Variants in COBL observed in about 807,000 individuals in gnomAD.
COBL encodes protein cordon-bleu.
Under a neutral mutation model 98.8 loss-of-function variants are expected in COBL, and 51 were observed. The observed-to-expected ratio is 0.52, with a 90% CI of 0.41 to 0.65. COBL has a LOEUF of 0.65. COBL is among the 30% of genes least tolerant of loss of function. The pLI is 0.00. For synonymous variants in COBL, 634 were observed against 651.7 expected (o/e 0.97, Z 0.41); for missense variants, 1,617 against 1,617.5 (o/e 1.00, Z 0.01).
At chr7:51,224,396 G>A (rs1189028287) in intron 1 of COBL, among the ~76,000 whole-genome samples, 1 of 151,794 alleles carries the variant, frequency 6.6e-6, no homozygotes, top group Admixed American at 6.6e-5. Context: ...TGTTCCAAAC[G>A]AGCCAAGCTT....
chr7:51,243,260 C>G (rs1055638632), intron 1 of COBL, among the ~76,000 whole-genome samples: 1 of 152,148 alleles, frequency 6.6e-6, no homozygotes, highest in Non-Finnish European at 1.5e-5. Flanking sequence ...CAGCTGTGTG[C>G]GGGGAGCAGA....
At chr7:51,051,965 T>C (rs558721111) in intron 7 of COBL, among the ~76,000 whole-genome samples, 1 of 152,368 alleles carries the variant, frequency 6.6e-6, no homozygotes, top group Non-Finnish European at 1.5e-5. Context: ...TCTATGCCAC[T>C]GTCATGGGCT....
chr7:51,034,016 T>C (rs1788393627), intron 8 of COBL: 1 of 152,344 alleles, frequency 6.6e-6, no homozygotes. Context: ...ATCCACCAGT[T>C]ACAGCTGCCT....
In COBL at chr7:51,018,904, AAATATATATATATATATATATATAT is replaced by A. The variant is rs1405359238; in HGVS notation, c.3769-1361_3769-1337del. On this transcript the variant is annotated intron_variant, in intron 12 of 12. Transcript: ENST00000265136. ...GAAACTCCATCTCAAAAAAAAAAAA[AAATATATATATATATATATATATAT>A]ATATATATATATATATATATATATG... is the stretch of plus-strand genomic sequence containing the variant. Among the ~76,000 whole-genome samples the A allele has an allele frequency of 2.0e-4, 11 of 54,686 alleles. 1 individual carries two copies. The highest frequency in any genetic ancestry group is 8.8e-4 in the African/African-American group (10 of 11,414). 35.9% of individuals were successfully genotyped at this position (54,686 alleles called of 152,430 possible). A position where few individuals can be genotyped will look rare whatever the true frequency, so the allele number is the denominator to read the frequency against.
At chr7:51,021,012 GA>G (rs1012526004) in intron 12 of COBL, 1 of 152,230 alleles carries the variant, frequency 6.6e-6, no homozygotes, top group African/African-American at 2.4e-5. Flanking sequence ...GACTGTCCCA[GA>G]AAACCTTCCC....
At chr7:51,248,955 T>G (rs908244605) in intron 1 of COBL, among the ~76,000 whole-genome samples, 5 of 152,218 alleles carry the variant, frequency 3.3e-5, no homozygotes, top group Admixed American at 3.3e-4. Context: ...TCTAAGCCCA[T>G]TATGTAATTA....
At chr7:51,035,041 T>C (rs1279559867) in intron 8 of COBL, 2 of 152,172 alleles carry the variant, frequency 1.3e-5, no homozygotes, top group Non-Finnish European at 1.5e-5. Context: ...CAAACCAGAG[T>C]CTGCCCAGGA....
intron 9 of COBL, 78 bp downstream of exon 9, chr7:51,030,734 G>A (rs990777713): frequency 6.6e-6 from 6 of 911,396 alleles, no homozygotes; most frequent in Admixed American, 4.0e-5. Flanking sequence ...ATACATCAAA[G>A]TATGCTCAGA....
chr7:51,193,525 C>A lies in COBL; in HGVS notation c.310G>T (p.Ala104Ser). Residue 104 changes from alanine (A) to serine (S), a missense_variant, in exon 3 of 13, where the codon GCC becomes TCC. Physicochemically the swap from Ala to Ser is moderately conservative, Grantham distance 99. This residue lies in a region of COBL where 238 missense variants were observed against 215.0 expected (regional missense o/e 1.11). Transcript: ENST00000265136. ...LQNHLNPSHH[A>S]LEIRSSETQQ... The stretch of plus-strand genomic sequence containing the variant: ...GTTTCTGAAGACCGAATTTCAAGGG[C>A]ATGGTGGGATGGATTCAGGTGGTTC... The A allele has an allele frequency of 6.2e-7, 1 of 1,614,150 alleles. No homozygotes were observed. The highest frequency in any genetic ancestry group is 8.5e-7 in the Non-Finnish European group (1 of 1,180,030).
At chr7:51,247,900 A>G (rs988621961) in intron 1 of COBL, among the ~76,000 whole-genome samples, 1 of 152,186 alleles carries the variant, frequency 6.6e-6, no homozygotes, top group Non-Finnish European at 1.5e-5. Context: ...GCACTTTGGG[A>G]GGCTGAGGTG....
intron 5 of COBL, among the ~76,000 whole-genome samples, chr7:51,164,458 GA>G (rs1787099767): frequency 6.6e-6 from 1 of 152,022 alleles, no homozygotes; most frequent in South Asian, 2.1e-4. Flanking sequence ...AGGAGAGAGT[GA>G]CATAACATAT....
intron 2 of COBL, among the ~76,000 whole-genome samples, chr7:51,198,553 C>G (rs1160137899): frequency 6.6e-6 from 1 of 152,200 alleles, no homozygotes; most frequent in Non-Finnish European, 1.5e-5. Flanking sequence ...ATTTTCCTAG[C>G]AGAATGTTTC....
intron 1 of COBL, among the ~76,000 whole-genome samples, chr7:51,229,022 A>G (rs553609354): frequency 3.4e-4 from 52 of 152,352 alleles, no homozygotes; most frequent in African/African-American, 1.2e-3. Context: ...CAATGTTTGC[A>G]TACATCCCAA....
intron 2 of COBL, among the ~76,000 whole-genome samples, chr7:51,193,857 G>A (rs1281260969): frequency 6.6e-6 from 1 of 152,110 alleles, no homozygotes; most frequent in Non-Finnish European, 1.5e-5. Context: ...AAATCCAAGG[G>A]TATGTTGAGT....
chr7:51,053,203 T>C (rs1423878967), intron 7 of COBL, among the ~76,000 whole-genome samples: 1 of 152,252 alleles, frequency 6.6e-6, no homozygotes, highest in Non-Finnish European at 1.5e-5. Flanking sequence ...ACTTTTCTAA[T>C]TTGAATAATA....
chr7:51,030,653 G>A (rs1788044263), intron 9 of COBL, among the ~76,000 whole-genome samples, 159 bp downstream of exon 9: 1 of 152,204 alleles, frequency 6.6e-6, no homozygotes, highest in African/African-American at 2.4e-5. Flanking sequence ...CCGGAAACCT[G>A]TGTGCGCCTC....
intron 7 of COBL, chr7:51,072,888 G>A (rs1235601796): frequency 6.5e-6 from 1 of 152,824 alleles, no homozygotes; most frequent in Non-Finnish European, 1.5e-5. Context: ...TACATTTATA[G>A]TTCATGTTTT....
chr7:51,151,387 CT>C (rs1298773144), intron 5 of COBL, among the ~76,000 whole-genome samples: 1 of 152,158 alleles, frequency 6.6e-6, no homozygotes, highest in African/African-American at 2.4e-5. Context: ...CTCCTCTAGG[CT>C]TTCACAGATC....
In COBL at chr7:51,016,710, C is replaced by G; in HGVS notation, c.*841G>C. 2.7e-6 allele frequency: 1 copy of G among 374,292 alleles called. No homozygotes were observed. Among genetic ancestry groups the G allele is most frequent in the Admixed American group, 4.6e-5 (1 of 21,892 alleles). The allele number at this position is 374,292 out of a possible 1,614,324, so 23.2% of individuals were successfully genotyped here. A position where few individuals can be genotyped will look rare whatever the true frequency, so the allele number is the denominator to read the frequency against. ...TGACCCTCTGCAGGATTCCAGAAGGCTCCCAGTGAAGTCATCAGGCTCCGT... is the reference window on the plus strand; with the variant it reads ...TGACCCTCTGCAGGATTCCAGAAGGGTCCCAGTGAAGTCATCAGGCTCCGT... On this transcript the variant is annotated 3_prime_UTR_variant, in exon 13 of 13. Transcript: ENST00000265136.
Sources: allele counts gnomAD v4.1 joint callset (sites outside exome capture counted in the v4.1 genomes callset), GRCh38; gene constraint gnomAD v4.1.1; regional missense constraint gnomAD v4.1.1; transcripts MANE v1.5; gene names NCBI Gene and HGNC (gene_info 2026-07-23, HGNC 2026-07-21).